Variants in CDH13 observed in about 807,000 individuals in gnomAD.
The protein encoded by CDH13 is cadherin-13.
CDH13 carries 24 observed loss-of-function variants against 63.8 expected under a neutral mutation model. That is an observed-to-expected ratio of 0.38 (90% CI 0.27 to 0.53). The LOEUF (loss-of-function observed/expected upper bound fraction) is 0.53, where lower values mean the gene tolerates loss of function less well. Ranked by LOEUF, CDH13 falls within the 20% of genes least tolerant of loss-of-function variation. CDH13 has a pLI of 0.85. For synonymous variants in CDH13, 503 were observed against 355.3 expected (o/e 1.42, Z -4.67); for missense variants, 1,049 against 903.1 (o/e 1.16, Z -2.07).
At chr16:83,127,442 G>A (rs2035861678) in intron 4 of CDH13, among the ~76,000 whole-genome samples, 2 of 152,134 alleles carry the variant, frequency 1.3e-5, no homozygotes, top group Non-Finnish European at 2.9e-5. Context: ...ATTGAAAATT[G>A]ATCTTGGACG....
chr16:83,635,622 G>C (rs1911190740), intron 8 of CDH13, among the ~76,000 whole-genome samples: 1 of 152,096 alleles, frequency 6.6e-6, no homozygotes, highest in South Asian at 2.1e-4. Context: ...GATTACAGGT[G>C]TGAGCCACCA....
intron 1 of CDH13, among the ~76,000 whole-genome samples, chr16:82,662,948 G>A (rs1402709326): frequency 6.6e-6 from 1 of 152,124 alleles, no homozygotes; most frequent in Non-Finnish European, 1.5e-5. Flanking sequence ...TGACAAATCG[G>A]TACATTGATG....
At chr16:83,676,314 G>T (rs1914950385) in intron 9 of CDH13, among the ~76,000 whole-genome samples, 1 of 152,170 alleles carries the variant, frequency 6.6e-6, no homozygotes, top group African/African-American at 2.4e-5. Context: ...GATTAGTGCT[G>T]GTGTGGGGTG....
chr16:83,114,550 G>C (rs72798373), intron 3 of CDH13, among the ~76,000 whole-genome samples: 9,629 of 152,232 alleles, frequency 0.063, 394 homozygotes, highest in Middle Eastern at 0.088. Context: ...ACTAACAACA[G>C]ATAATTTCTA....
intron 6 of CDH13, among the ~76,000 whole-genome samples, chr16:83,425,164 G>A (rs749904707): frequency 2.0e-5 from 3 of 152,172 alleles, no homozygotes; most frequent in Admixed American, 6.5e-5. Context: ...CTGCTCTCCC[G>A]ACATTAACCT....
At chr16:82,954,238 C>G (rs1444461165) in intron 2 of CDH13, 3 of 152,118 alleles carry the variant, frequency 2.0e-5, no homozygotes, top group Admixed American at 1.3e-4. Context: ...TATTGCTCTT[C>G]CGACTCCTGT....
chr16:83,779,924 C>T (rs367920634), intron 11 of CDH13, 44 bp from the exon 12 acceptor site: 55 of 1,324,870 alleles, frequency 4.2e-5, no homozygotes, highest in African/African-American at 3.5e-4. Context: ...AAATTGCTCT[C>T]GCATATACCA....
chr16:83,623,169 G>A (rs1194224924), intron 8 of CDH13, among the ~76,000 whole-genome samples: 4 of 152,166 alleles, frequency 2.6e-5, no homozygotes, highest in African/African-American at 4.8e-5. Context: ...AGGCATACAA[G>A]AGCCCGGTTG....
At chr16:82,979,775 G>C in intron 2 of CDH13, among the ~76,000 whole-genome samples, 1 of 152,132 alleles carries the variant, frequency 6.6e-6, no homozygotes. Context: ...GCTTTTTCCT[G>C]CCTTGCTTTT....
intron 1 of CDH13, among the ~76,000 whole-genome samples, chr16:82,721,240 G>A (rs74985955): frequency 6.3e-4 from 96 of 152,124 alleles, no homozygotes; most frequent in African/African-American, 2.2e-3. Flanking sequence ...CCATGACTTG[G>A]TAGTGGGTTC....
intron 5 of CDH13, among the ~76,000 whole-genome samples, chr16:83,242,142 A>ATGT (rs1450020971): frequency 7.2e-5 from 11 of 152,094 alleles, no homozygotes; most frequent in Non-Finnish European, 7.3e-5. Context: ...AGCCATATAC[A>ATGT]TAAGGGTTTA....
intron 11 of CDH13, among the ~76,000 whole-genome samples, chr16:83,766,999 G>A (rs572826591): frequency 1.3e-5 from 2 of 152,160 alleles, no homozygotes; most frequent in South Asian, 2.1e-4. Flanking sequence ...AACTCGGAAC[G>A]GTGAGTCAAT....
chr16:82,639,960 CA>C (rs1909183879), intron 1 of CDH13, among the ~76,000 whole-genome samples: 1 of 152,188 alleles, frequency 6.6e-6, no homozygotes, highest in Admixed American at 6.5e-5. Flanking sequence ...ATTCACTTAA[CA>C]AATATTTACT....
chr16:83,093,449 G>T (rs2034030779), intron 3 of CDH13, among the ~76,000 whole-genome samples: 1 of 151,534 alleles, frequency 6.6e-6, no homozygotes, highest in Non-Finnish European at 1.5e-5. Flanking sequence ...CTACTGAGTA[G>T]CTGGGATTAT....
At chr16:83,549,973 A>T (rs2075460828) in intron 7 of CDH13, among the ~76,000 whole-genome samples, 1 of 152,190 alleles carries the variant, frequency 6.6e-6, no homozygotes, top group Non-Finnish European at 1.5e-5. Context: ...TGGATCGTTC[A>T]TATAGAAAGG....
At position 83,145,696 on chromosome 16, in the gene CDH13, CT is replaced by C. The variant is rs568362913; in HGVS notation, c.483+20196del. ...GATTCATGCTAGGCTTATTCTCTTC[CT>C]CATTCAGTCTCTCAATCAATCAATA... is the stretch of plus-strand genomic sequence containing the variant. On this transcript the variant is annotated intron_variant, in intron 4 of 13. Transcript: ENST00000567109. Among the ~76,000 whole-genome samples, 593 of 152,322 alleles carry C rather than the reference CT, an allele frequency of 3.9e-3. 1 individual carries two copies. The highest frequency in any genetic ancestry group is 0.014 in the African/African-American group (573 of 41,574).
chr16:83,288,668 G>C (rs2089388034), intron 5 of CDH13, among the ~76,000 whole-genome samples: 1 of 152,164 alleles, frequency 6.6e-6, no homozygotes, highest in South Asian at 2.1e-4. Flanking sequence ...AAAGTTAATT[G>C]CTTAACCTTT....
chr16:82,847,587 T>A (rs1277365187), intron 1 of CDH13, among the ~76,000 whole-genome samples: 1 of 152,242 alleles, frequency 6.6e-6, no homozygotes, highest in Non-Finnish European at 1.5e-5. Context: ...TAATCCAGGA[T>A]AAGCATGCTG....
At chr16:83,511,561 G>A (rs965829276) in intron 7 of CDH13, among the ~76,000 whole-genome samples, 1 of 151,922 alleles carries the variant, frequency 6.6e-6, no homozygotes, top group Non-Finnish European at 1.5e-5. Context: ...AAACAAGTGA[G>A]TTATAATCTC....
Sources: gnomAD v4.1 joint callset for allele counts (sites outside exome capture counted in the v4.1 genomes callset) on GRCh38, gnomAD v4.1.1 for gene constraint, MANE v1.5 for transcripts, NCBI Gene and HGNC (gene_info 2026-07-23, HGNC 2026-07-21) for gene names.